NINL: variants seen among roughly 807,000 people sequenced by gnomAD.
NINL encodes the protein ninein like, also known as ninein-like protein.
NINL carries 153 observed loss-of-function variants against 160.3 expected under a neutral mutation model. That is an observed-to-expected ratio of 0.95 (90% CI 0.84 to 1.09). The LOEUF (loss-of-function observed/expected upper bound fraction) is 1.09. Among genes scored for constraint, NINL ranks in the 50% least tolerant of loss-of-function variants. The pLI is 0.00. For missense variants in NINL, 1,829 were observed against 1,764.0 expected, an observed-to-expected ratio of 1.04 and a Z score of -0.66; for synonymous variants, 800 against 734.8, an observed-to-expected ratio of 1.09 and a Z score of -1.43.
intron 3 of NINL, among the ~76,000 whole-genome samples, chr20:25,513,401 C>T (rs1172985794): frequency 6.6e-6 from 1 of 152,170 alleles, no homozygotes; most frequent in African/African-American, 2.4e-5. Context: ...ACTGAGTGAA[C>T]ACGCTAAATG....
chr20:25,476,390 C>A lies in NINL; in HGVS notation c.2901G>T (p.Ser967=), dbSNP rs769157501. ...MWEPPLRPAA[S]CRGQAERLQA... is the part of the protein sequence containing the mutation. ...GTAGCCTCTCAGCCTGTCCCCTGCA[C>A]GAAGCGGCCGGCCTCAGGGGTGGCT... is the stretch of plus-strand genomic sequence containing the variant. The change falls in exon 17 of 24, where the codon TCG becomes TCT. Residue 967 remains serine (S), a synonymous_variant. Transcript: ENST00000278886. 14 of 1,605,400 alleles carry A rather than the reference C, an allele frequency of 8.7e-6. No individual in the cohort carries two copies. In the Admixed American group the frequency reaches 2.4e-4, roughly 27 times the overall value.
intron 13 of NINL, among the ~76,000 whole-genome samples, chr20:25,483,022 C>T (rs1222919332): frequency 3.3e-5 from 5 of 149,884 alleles, no homozygotes; most frequent in Non-Finnish European, 7.4e-5. Context: ...GAGCAAACTC[C>T]ATCTCAAGAA....
chr20:25,529,700 C>T (rs909046621), intron 1 of NINL, among the ~76,000 whole-genome samples: 7 of 152,038 alleles, frequency 4.6e-5, no homozygotes, highest in South Asian at 2.1e-4. Flanking sequence ...ACTAGCTGGG[C>T]GTGGTGGTGC....
chr20:25,506,452 C>T (rs369307292), intron 5 of NINL, among the ~76,000 whole-genome samples: 2 of 152,210 alleles, frequency 1.3e-5, no homozygotes, highest in Non-Finnish European at 2.9e-5. Context: ...GCTTTTCTTA[C>T]GGCTGAAGTG....
intron 1 of NINL, among the ~76,000 whole-genome samples, chr20:25,529,535 G>A (rs1227626747): frequency 6.6e-6 from 1 of 152,180 alleles, no homozygotes; most frequent in Non-Finnish European, 1.5e-5. Flanking sequence ...TTCAGACAGG[G>A]CGAAGACGAG....
chr20:25,571,234 T>C (rs1332477821), intron 1 of NINL, among the ~76,000 whole-genome samples: 5 of 152,166 alleles, frequency 3.3e-5, no homozygotes, highest in Non-Finnish European at 7.4e-5. Flanking sequence ...CCTTTCATTA[T>C]AATAAGCAGG....
Position 25,478,835 on chromosome 20 carries a change from A to G in NINL, c.2201+88T>C, listed in dbSNP as rs780761186. On this transcript the variant is annotated intron_variant, in intron 16 of 23. Coordinates refer to ENST00000278886, the MANE Select transcript of NINL (RefSeq NM_025176.6). ...AACCACCCAGTCGGGAGGCACAGCA[A>G]TTCTGAGTTGTTTCCTAAGTCTAAT... is the stretch of plus-strand genomic sequence containing the variant. 34 of 1,448,780 alleles carry G rather than the reference A, an allele frequency of 2.3e-5. No homozygotes were observed. The East Asian group carries it at 7.6e-4, about 32-fold the overall frequency. 89.7% of individuals were successfully genotyped at this position (1,448,780 alleles called of 1,614,324 possible).
In NINL at chr20:25,479,225, G is replaced by A. The variant is rs752913581; in HGVS notation, c.1918-19C>T. On this transcript the variant is annotated intron_variant, in intron 15 of 23. Coordinates refer to ENST00000278886, the MANE Select transcript of NINL (RefSeq NM_025176.6). The stretch of plus-strand genomic sequence containing the variant: ...AATTTACCTAAAACGAGAAACATGA[G>A]CCCCGTGGACCAGGAGACCCTAAGA... 2 of 1,587,546 alleles carry A rather than the reference G, an allele frequency of 1.3e-6. No homozygotes were observed. The highest frequency in any genetic ancestry group is 2.2e-5 in the East Asian group (1 of 44,528).
intron 1 of NINL, among the ~76,000 whole-genome samples, chr20:25,543,922 G>A (rs1207610085): frequency 7.8e-6 from 1 of 128,128 alleles, no homozygotes; most frequent in Non-Finnish European, 1.6e-5. Context: ...CTCCCAAAGT[G>A]CTGGGATTAC....
intron 2 of NINL, among the ~76,000 whole-genome samples, chr20:25,520,468 G>C (rs1326359368): frequency 1.3e-5 from 2 of 152,148 alleles, no homozygotes; most frequent in Non-Finnish European, 2.9e-5. Context: ...ATTACTATCT[G>C]ACATTAAATT....
At chr20:25,497,303 C>T (rs1363920320) in intron 9 of NINL, among the ~76,000 whole-genome samples, 4 of 152,250 alleles carry the variant, frequency 2.6e-5, no homozygotes, top group African/African-American at 9.6e-5. Context: ...TCTGCCTGGC[C>T]ACCCTGACCC....
In NINL at chr20:25,469,994, T is replaced by C; in HGVS notation, c.3350A>G (p.Gln1117Arg). Residue 1117 changes from glutamine (Q) to arginine (R), a missense_variant, in exon 18 of 24, where the codon CAG becomes CGG. Physicochemically the swap from Gln to Arg is conservative, Grantham distance 43. Coordinates refer to ENST00000278886, the MANE Select transcript of NINL (RefSeq NM_025176.6). The part of the protein sequence containing the change: ...LEAAESTHDA[Q>R]RKEIEVLKKD... ...TGGGTAGGGGCGTGGCCCTTACCTC[T>C]GTGCATCGTGAGTACTTTCTGCAGC... is the stretch of plus-strand genomic sequence containing the variant. 1 of 1,613,526 alleles carries C rather than the reference T, an allele frequency of 6.2e-7. No homozygotes were observed. The highest frequency in any genetic ancestry group is 1.1e-5 in the South Asian group (1 of 91,078).
chr20:25,512,686 A>T (rs2064093260), intron 4 of NINL, 148 bp downstream of exon 4: 1 of 992,332 alleles, frequency 1.0e-6, no homozygotes, highest in African/African-American at 1.6e-5. Flanking sequence ...GCACTCCCCA[A>T]AGTGACCAAG....
At chr20:25,542,358 T>G (rs1162111320) in intron 1 of NINL, among the ~76,000 whole-genome samples, 1 of 151,918 alleles carries the variant, frequency 6.6e-6, no homozygotes, top group Non-Finnish European at 1.5e-5. Context: ...TTACACAATT[T>G]GAAGAATGAA....
At chr20:25,536,056 A>G (rs1329876361) in intron 1 of NINL, among the ~76,000 whole-genome samples, 1 of 152,210 alleles carries the variant, frequency 6.6e-6, no homozygotes, top group African/African-American at 2.4e-5. Context: ...CATCACAGCA[A>G]CAGGGATCAG....
chr20:25,476,808 G>T lies in NINL; in HGVS notation c.2483C>A (p.Ala828Asp). The change falls in exon 17 of 24, where the codon GCC (alanine) becomes GAC (aspartate). Residue 828 changes from alanine to aspartate, a missense_variant. Ala to Asp is a moderately radical substitution (Grantham distance 126). Transcript: ENST00000278886. ...TGCCACCAGCCCATCTTTCGGCAGGGCCTGCATCTCTGCTTCCAGGGAGGG... is the reference window on the plus strand; with the variant it reads ...TGCCACCAGCCCATCTTTCGGCAGGTCCTGCATCTCTGCTTCCAGGGAGGG... Reference protein sequence around the residue: ...DGPSLEAEMQALPKDGLVAGS... With the variant: ...DGPSLEAEMQDLPKDGLVAGS... 1 of 1,613,014 alleles carries T rather than the reference G, an allele frequency of 6.2e-7. No homozygotes were observed. Among genetic ancestry groups the T allele is most frequent in the Non-Finnish European group, 8.5e-7 (1 of 1,179,946 alleles).
chr20:25,584,465 ACAG>A, intron 1 of NINL, among the ~76,000 whole-genome samples: 1 of 152,242 alleles, frequency 6.6e-6, no homozygotes, highest in South Asian at 2.1e-4. Flanking sequence ...CGTTTCAAAA[ACAG>A]CAACAACAAC....
intron 1 of NINL, among the ~76,000 whole-genome samples, chr20:25,532,169 G>C (rs1426404605): frequency 6.6e-6 from 1 of 152,212 alleles, no homozygotes; most frequent in African/African-American, 2.4e-5. Flanking sequence ...GCTGGAGAAT[G>C]AGCTCCTTCC....
At chr20:25,541,210 G>A (rs2064657205) in intron 1 of NINL, among the ~76,000 whole-genome samples, 1 of 152,154 alleles carries the variant, frequency 6.6e-6, no homozygotes, top group Non-Finnish European at 1.5e-5. Context: ...CTAGCTCTGT[G>A]GTCTTGGACA....
Sources: gnomAD v4.1 joint callset for allele counts (sites outside exome capture counted in the v4.1 genomes callset) on GRCh38, gnomAD v4.1.1 for gene constraint, MANE v1.5 for transcripts, NCBI Gene and HGNC (gene_info 2026-07-23, HGNC 2026-07-21) for gene names.